SYN2: variants seen among roughly 807,000 people sequenced by gnomAD.
The protein encoded by SYN2 is synapsin-2.
Under a neutral mutation model 50.9 loss-of-function variants are expected in SYN2, and 19 were observed. That is an observed-to-expected ratio of 0.37 (90% CI 0.26 to 0.55). The LOEUF (loss-of-function observed/expected upper bound fraction) is 0.55. Among genes scored for constraint, SYN2 ranks in the 20% least tolerant of loss-of-function variants. The pLI, the probability that SYN2 is intolerant of heterozygous loss-of-function variation, is 0.81. For missense variants in SYN2, 587 were observed against 576.4 expected (o/e 1.02, Z -0.19); for synonymous variants, 255 against 224.9 (o/e 1.13, Z -1.20).
At chr3:12,126,368 G>C (rs1401362085) in intron 1 of SYN2, among the ~76,000 whole-genome samples, 1 of 152,146 alleles carries the variant, frequency 6.6e-6, no homozygotes, top group Non-Finnish European at 1.5e-5. Flanking sequence ...CACCACCACT[G>C]GGCAGTGATT....
At chr3:12,117,589 A>G (rs1696461551) in intron 1 of SYN2, among the ~76,000 whole-genome samples, 1 of 152,144 alleles carries the variant, frequency 6.6e-6, no homozygotes, top group African/African-American at 2.4e-5. Flanking sequence ...CTCTATCCCA[A>G]CTCACCCTCC....
At chr3:12,138,237 T>C (rs1257239234) in intron 1 of SYN2, among the ~76,000 whole-genome samples, 1 of 152,234 alleles carries the variant, frequency 6.6e-6, no homozygotes, top group Non-Finnish European at 1.5e-5. Context: ...TATAAGGTTG[T>C]GGCTCAGCCA....
Position 12,004,444 on chromosome 3 carries a change from A to G in SYN2, c.-108A>G. The G allele has an allele frequency of 3.2e-6, 1 of 313,182 alleles. No homozygotes were observed. The highest frequency in any genetic ancestry group is 2.3e-5 in the African/African-American group (1 of 44,216). The allele number at this position is 313,182 out of a possible 1,614,324, so 19.4% of individuals were successfully genotyped here. A position where few individuals can be genotyped will look rare whatever the true frequency, so the allele number is the denominator to read the frequency against. On this transcript the variant is annotated 5_prime_UTR_variant, in exon 1 of 13. Transcript: ENST00000621198. ...CCGGGGCCTGAGTCTCTGCTGGCTA[A>G]GCCGCCGCCTCAGCCGCCTCAGTCG...
chr3:12,030,548 A>G (rs1694360790), intron 1 of SYN2, among the ~76,000 whole-genome samples: 3 of 151,674 alleles, frequency 2.0e-5, no homozygotes, highest in South Asian at 2.1e-4. Context: ...TATTGCCACA[A>G]TTTCAGCTCC....
intron 1 of SYN2, among the ~76,000 whole-genome samples, chr3:12,056,951 T>C (rs1695003677): frequency 6.6e-6 from 1 of 152,200 alleles, no homozygotes; most frequent in Non-Finnish European, 1.5e-5. Flanking sequence ...ATATTACTTG[T>C]TCTAACAGAA....
At chr3:12,102,098 C>T (rs1696089736) in intron 1 of SYN2, among the ~76,000 whole-genome samples, 1 of 152,040 alleles carries the variant, frequency 6.6e-6, no homozygotes, top group African/African-American at 2.4e-5. Context: ...CTATTTTAAC[C>T]TTGAAGGATA....
At chr3:12,149,388 A>T (rs1277158694) in intron 4 of SYN2, among the ~76,000 whole-genome samples, 1 of 152,244 alleles carries the variant, frequency 6.6e-6, no homozygotes, top group Non-Finnish European at 1.5e-5. Flanking sequence ...TCAGATGAGC[A>T]GGTGTGGAGA....
intron 1 of SYN2, among the ~76,000 whole-genome samples, chr3:12,022,918 C>T (rs971606134): frequency 3.3e-5 from 3 of 90,948 alleles, no homozygotes; most frequent in African/African-American, 8.3e-5. Context: ...ATTATAGCTG[C>T]AATATGAGAG....
chr3:12,100,608 A>G (rs1351044017), intron 1 of SYN2, among the ~76,000 whole-genome samples: 1 of 152,232 alleles, frequency 6.6e-6, no homozygotes, highest in Non-Finnish European at 1.5e-5. Flanking sequence ...CAATAAAAGA[A>G]AAATAGAAAT....
chr3:12,155,265 G>C (rs927166955), intron 5 of SYN2, among the ~76,000 whole-genome samples: 1 of 152,190 alleles, frequency 6.6e-6, no homozygotes, highest in Non-Finnish European at 1.5e-5. Context: ...AAATGAGTAG[G>C]GTAGATGGAT....
chr3:12,163,787 C>T (rs143834621), intron 7 of SYN2, among the ~76,000 whole-genome samples: 451 of 152,046 alleles, frequency 3.0e-3, no homozygotes, highest in Non-Finnish European at 5.0e-3. Context: ...TAGAAATATG[C>T]GCAATGTGGC....
intron 1 of SYN2, among the ~76,000 whole-genome samples, chr3:12,096,227 T>G (rs1490150355): frequency 6.6e-6 from 1 of 152,236 alleles, no homozygotes; most frequent in Non-Finnish European, 1.5e-5. Flanking sequence ...CTTTCAGCCT[T>G]GCTTTCCTAT....
intron 1 of SYN2, among the ~76,000 whole-genome samples, chr3:12,022,097 G>A (rs925909196): frequency 6.6e-6 from 1 of 151,606 alleles, no homozygotes; most frequent in Admixed American, 6.6e-5. Context: ...AAAAAAAGAG[G>A]TTCTTTCAGC....
intron 5 of SYN2, chr3:12,153,123 T>C (rs560426325): frequency 7.2e-6 from 2 of 278,386 alleles, no homozygotes; most frequent in East Asian, 7.4e-5. Flanking sequence ...AACCACCTTC[T>C]GATACTGTAC....
At chr3:12,040,308 C>G (rs980408164) in intron 1 of SYN2, among the ~76,000 whole-genome samples, 8 of 152,078 alleles carry the variant, frequency 5.3e-5, no homozygotes, top group Admixed American at 5.2e-4. Flanking sequence ...ATTAATCTGC[C>G]TCTGATGAAC....
In SYN2 at chr3:12,097,839, C is replaced by T. The variant is rs138687262; in HGVS notation, c.378-42812C>T. On this transcript the variant is annotated intron_variant, in intron 1 of 12. Coordinates refer to ENST00000621198, the MANE Select transcript of SYN2 (RefSeq NM_133625.6). Reference sequence around the variant, plus strand: ...TGGACACAGAGTGGGGAACATCACACACCAGGGCCTGTTGTGGGGTGGAGG... The same window carrying T: ...TGGACACAGAGTGGGGAACATCACATACCAGGGCCTGTTGTGGGGTGGAGG... 8.7e-3 allele frequency among the ~76,000 whole-genome samples: 1,331 copies of T among 152,162 alleles called. 19 individuals are homozygous for T. Among genetic ancestry groups the T allele is most frequent in the African/African-American group, 0.031 (1,267 of 41,510 alleles).
intron 6 of SYN2, 136 bp from the exon 7 acceptor site, chr3:12,161,876 G>C: frequency 7.7e-7 from 1 of 1,295,616 alleles, no homozygotes; most frequent in Non-Finnish European, 1.1e-6. Flanking sequence ...GGGGCCTCCT[G>C]GGGAGATGTG....
intron 1 of SYN2, among the ~76,000 whole-genome samples, chr3:12,012,993 A>G (rs1405613198): frequency 6.6e-6 from 1 of 152,214 alleles, no homozygotes; most frequent in Non-Finnish European, 1.5e-5. Context: ...TCTCTGTAAT[A>G]TTGATACTGT....
chr3:12,121,523 G>A (rs962496810), intron 1 of SYN2, among the ~76,000 whole-genome samples: 1 of 151,398 alleles, frequency 6.6e-6, no homozygotes, highest in African/African-American at 2.4e-5. Flanking sequence ...TTGTTTTGCT[G>A]TACATAAGGC....
Sources: allele counts gnomAD v4.1 joint callset (sites outside exome capture counted in the v4.1 genomes callset), GRCh38; gene constraint gnomAD v4.1.1; transcripts MANE v1.5; gene names NCBI Gene and HGNC (gene_info 2026-07-23, HGNC 2026-07-21).